Variants in PAX2 observed in about 807,000 individuals in gnomAD.
PAX2 encodes paired box 2.
A neutral mutation model predicts 41.7 loss-of-function variants in PAX2; 9 were observed. The observed-to-expected ratio is 0.22, with a 90% CI of 0.13 to 0.38. The LOEUF is 0.38. Ranked by LOEUF, PAX2 falls within the 10% of genes least tolerant of loss-of-function variation. The probability of loss-of-function intolerance (pLI) is 1.00; values close to 1 mark genes in which losing one functional copy is unlikely to be tolerated. For missense variants in PAX2, 418 were observed against 531.6 expected (o/e 0.79, Z 2.10); for synonymous variants, 221 against 212.7 (o/e 1.04, Z -0.34).
intron 7 of PAX2, among the ~76,000 whole-genome samples, chr10:100,823,287 A>G (rs960089299): frequency 1.3e-5 from 2 of 152,214 alleles, no homozygotes; most frequent in African/African-American, 2.4e-5. Context: ...AGGGACAGCC[A>G]AGGAAAATGT....
chr10:100,800,725 A>T (rs947017320), intron 5 of PAX2, among the ~76,000 whole-genome samples: 7 of 152,142 alleles, frequency 4.6e-5, no homozygotes, highest in African/African-American at 1.4e-4. Context: ...TCCATTCATG[A>T]CTGGCCAGTG....
At chr10:100,819,122 C>A (rs1262485929) in intron 7 of PAX2, among the ~76,000 whole-genome samples, 2 of 151,902 alleles carry the variant, frequency 1.3e-5, no homozygotes, top group Admixed American at 1.3e-4. Context: ...GTGGCAGGCG[C>A]TTGTAATCCC....
chr10:100,820,991 GT>G (rs1276854333), intron 7 of PAX2, among the ~76,000 whole-genome samples: 1 of 152,176 alleles, frequency 6.6e-6, no homozygotes, highest in African/African-American at 2.4e-5. Flanking sequence ...CTGTTGTACA[GT>G]TTTAGAGTCT....
At chr10:100,819,341 G>A (rs946505516) in intron 7 of PAX2, among the ~76,000 whole-genome samples, 2 of 152,068 alleles carry the variant, frequency 1.3e-5, no homozygotes, top group Non-Finnish European at 2.9e-5. Context: ...GGCTAAGACA[G>A]GCAGAGCACC....
chr10:100,762,623 A>T lies in PAX2; in HGVS notation c.410+11732A>T, dbSNP rs1384951482. ...TAGGGTATATCAGTTAGAGACACTG[A>T]AAGATAGCTATGCTGCTCTCTGGAT... On this transcript the variant is annotated intron_variant, in intron 3 of 9. Coordinates refer to ENST00000355243, the MANE Select transcript of PAX2 (RefSeq NM_000278.5). Among the ~76,000 whole-genome samples, 6 of 152,302 alleles carry T rather than the reference A, an allele frequency of 3.9e-5. No homozygotes were observed. The South Asian group carries it at 1.2e-3, about 32-fold the overall frequency.
Position 100,746,023 on chromosome 10 carries a change from C to T in PAX2, c.-238C>T, listed in dbSNP as rs1201416374. 1 of 1,423,030 alleles carries T rather than the reference C, an allele frequency of 7.0e-7. No individual in the cohort carries two copies. The highest frequency in any genetic ancestry group is 1.5e-5 in the African/African-American group (1 of 67,602). The allele number at this position is 1,423,030 out of a possible 1,614,324, so 88.2% of individuals were successfully genotyped here. A position where few individuals can be genotyped will look rare whatever the true frequency, so the allele number is the denominator to read the frequency against. On this transcript the variant is annotated 5_prime_UTR_variant, in exon 1 of 10. Coordinates refer to ENST00000355243, the MANE Select transcript of PAX2 (RefSeq NM_000278.5). ...GGGGCCATTCTGCTGACCGCCCAGCCCCGAGCCCCGACAGTGGCAAGTTGC... is the reference window on the plus strand; with the variant it reads ...GGGGCCATTCTGCTGACCGCCCAGCTCCGAGCCCCGACAGTGGCAAGTTGC...
chr10:100,805,024 A>T (rs1449402486), intron 5 of PAX2, among the ~76,000 whole-genome samples: 299 of 3,440 alleles, frequency 0.087, 3 homozygotes, highest in African/African-American at 0.25. Flanking sequence ...TCTCTCACAT[A>T]CACACACACA....
chr10:100,764,307 C>A (rs1408764644), intron 3 of PAX2, among the ~76,000 whole-genome samples: 10 of 151,962 alleles, frequency 6.6e-5, no homozygotes, highest in Non-Finnish European at 1.5e-4. Context: ...CCACGCCTGG[C>A]TAATTTTTTG....
At chr10:100,755,348 G>A (rs1056196258) in intron 3 of PAX2, among the ~76,000 whole-genome samples, 2 of 152,184 alleles carry the variant, frequency 1.3e-5, no homozygotes, top group African/African-American at 2.4e-5. Context: ...TCCTACCTCA[G>A]CTGGCAACTC....
chr10:100,766,619 G>A (rs1686367814), intron 3 of PAX2, among the ~76,000 whole-genome samples: 1 of 152,230 alleles, frequency 6.6e-6, no homozygotes, highest in Non-Finnish European at 1.5e-5. Flanking sequence ...GTTCAGCAGA[G>A]CAGGGACATT....
rs866414167 is a variant in PAX2 at position 100,828,870 on chromosome 10, G to A, written c.*1251G>A. 177 of 231,536 alleles carry A rather than the reference G, an allele frequency of 7.6e-4. 1 individual carries two copies. Among genetic ancestry groups the A allele is most frequent in the African/African-American group, 3.7e-3 (169 of 45,312 alleles). 14.3% of individuals were successfully genotyped at this position (231,536 alleles called of 1,614,324 possible). A position where few individuals can be genotyped will look rare whatever the true frequency, so the allele number is the denominator to read the frequency against. Reference sequence around the variant, plus strand: ...CCAGGCTGCTGCTTTGTGGAAAGACGGTGTGTGTCGTGTGAAGGCGAAACC... The same window carrying A: ...CCAGGCTGCTGCTTTGTGGAAAGACAGTGTGTGTCGTGTGAAGGCGAAACC... On this transcript the variant is annotated 3_prime_UTR_variant, in exon 10 of 10. Coordinates refer to ENST00000355243, the MANE Select transcript of PAX2 (RefSeq NM_000278.5). This position sits in a 1 kb window ranked among gnomAD's most constrained non-coding sequence, Gnocchi z 6.5.
chr10:100,825,008 G>C (rs374646724), intron 8 of PAX2: 6 of 1,588,092 alleles, frequency 3.8e-6, no homozygotes, highest in Middle Eastern at 1.7e-4. Flanking sequence ...CCTCCACAGC[G>C]CCCACCCACC....
chr10:100,748,033 C>G lies in PAX2; in HGVS notation c.44-1713C>G. 2 of 984,812 alleles carry G rather than the reference C, an allele frequency of 2.0e-6. No homozygotes were observed. Among genetic ancestry groups the G allele is most frequent in the South Asian group, 9.4e-5 (2 of 21,266 alleles). 61.0% of individuals were successfully genotyped at this position (984,812 alleles called of 1,614,324 possible). A position where few individuals can be genotyped will look rare whatever the true frequency, so the allele number is the denominator to read the frequency against. ...GCCGGTGGACTGGTGGGTGAGACAC[C>G]GCAGCCCGAGTCGGTGCTGGCGGCC... On this transcript the variant is annotated intron_variant, in intron 1 of 9. Transcript: ENST00000355243. This position sits in a 1 kb window ranked among gnomAD's most constrained non-coding sequence, Gnocchi z 5.0.
intron 1 of PAX2, among the ~76,000 whole-genome samples, chr10:100,739,373 C>T (rs1448626366): frequency 6.6e-6 from 1 of 152,248 alleles, no homozygotes; most frequent in Non-Finnish European, 1.5e-5. Context: ...CTTACCAGCT[C>T]CCGGCTGTGG....
At position 100,826,917 on chromosome 10, in the gene PAX2, C is replaced by T. The variant is rs1162455441; in HGVS notation, c.1022-92C>T. ...CGCGACACCTGCGCCTGAGACCCGG[C>T]GGGAGGAGCGGGCGGAGAAGCCACC... On this transcript the variant is annotated intron_variant, in intron 8 of 9. Transcript: ENST00000355243. This position sits in a 1 kb window ranked among gnomAD's most constrained non-coding sequence, Gnocchi z 5.5. 8 of 858,526 alleles carry T rather than the reference C, an allele frequency of 9.3e-6. No individual in the cohort carries two copies. The highest frequency in any genetic ancestry group is 1.7e-5 in the African/African-American group (1 of 59,706). 53.2% of individuals were successfully genotyped at this position (858,526 alleles called of 1,614,324 possible). A position where few individuals can be genotyped will look rare whatever the true frequency, so the allele number is the denominator to read the frequency against.
At position 100,829,027 on chromosome 10, in the gene PAX2, G is replaced by A. The variant is rs191543005; in HGVS notation, c.*1408G>A. On this transcript the variant is annotated 3_prime_UTR_variant, in exon 10 of 10. Coordinates refer to ENST00000355243, the MANE Select transcript of PAX2 (RefSeq NM_000278.5). ...AGTCGCCGCTCGCTGGGGGGGAAGG[G>A]GGGGACACAGCTACACGCCCATTAA... 6.5e-3 allele frequency: 1,467 copies of A among 226,872 alleles called. 13 individuals are homozygous for A. Among genetic ancestry groups the A allele is most frequent in the Non-Finnish European group, 9.2e-3 (1,055 of 114,068 alleles). The allele number at this position is 226,872 out of a possible 1,614,324, so 14.1% of individuals were successfully genotyped here.
chr10:100,747,816 G>A (rs1034904395), intron 1 of PAX2: 5 of 984,956 alleles, frequency 5.1e-6, no homozygotes, highest in African/African-American at 1.8e-5. Flanking sequence ...GAGTGGAACC[G>A]GGTCCACACG....
rs1386357391 is a variant in PAX2, at chr10:100,745,741, C to T, written c.-520C>T. On this transcript the variant is annotated 5_prime_UTR_variant, in exon 1 of 10. Coordinates refer to ENST00000355243, the MANE Select transcript of PAX2 (RefSeq NM_000278.5). ...GCCTGGCCCGCGCGCTCCCCTCCCG[C>T]AGGCGCCACCTCGGACATCCCCGGG... is the stretch of plus-strand genomic sequence containing the variant. The T allele has an allele frequency of 1.9e-6, 2 of 1,041,382 alleles. No individual in the cohort carries two copies. Among genetic ancestry groups the T allele is most frequent in the Non-Finnish European group, 2.3e-6 (2 of 864,136 alleles). The allele number at this position is 1,041,382 out of a possible 1,614,324, so 64.5% of individuals were successfully genotyped here.
chr10:100,815,711 G>A (rs1848163758), intron 7 of PAX2, among the ~76,000 whole-genome samples: 1 of 152,234 alleles, frequency 6.6e-6, no homozygotes, highest in Non-Finnish European at 1.5e-5. Context: ...TAGAGGTAAA[G>A]GATATGGAAA....
Sources: gnomAD v4.1 joint callset for allele counts (sites outside exome capture counted in the v4.1 genomes callset) on GRCh38, gnomAD v4.1.1 for gene constraint, Gnocchi (gnomAD v3.1) non-coding constraint, MANE v1.5 for transcripts, NCBI Gene and HGNC (gene_info 2026-07-23, HGNC 2026-07-21) for gene names.